CUX1: variants seen among roughly 807,000 people sequenced by gnomAD.
The protein encoded by CUX1 is protein CASP.
Under a neutral mutation model 158.8 loss-of-function variants are expected in CUX1, and 31 were observed. The ratio of observed to expected loss-of-function variants is 0.20; its 90% CI spans 0.15 to 0.26. The LOEUF (loss-of-function observed/expected upper bound fraction) is 0.26. Ranked by LOEUF, CUX1 falls within the 10% of genes least tolerant of loss-of-function variation. The pLI is 1.00. For synonymous variants in CUX1, 879 were observed against 862.1 expected, an observed-to-expected ratio of 1.02 and a Z score of -0.34; for missense variants, 1,589 against 2,014.6, an observed-to-expected ratio of 0.79 and a Z score of 4.04.
intron 14 of CUX1, among the ~76,000 whole-genome samples, chr7:102,263,812 C>A (rs180914249): frequency 6.6e-6 from 1 of 151,728 alleles, no homozygotes; most frequent in Non-Finnish European, 1.5e-5. Flanking sequence ...CCTGCCCCAG[C>A]CTTCCGAGTA....
chr7:102,068,083 T>TTTGTTG (rs564385716), intron 3 of CUX1, among the ~76,000 whole-genome samples: 1 of 151,612 alleles, frequency 6.6e-6, no homozygotes, highest in Admixed American at 6.6e-5. Context: ...AACCTTGTTT[T>TTTGTTG]TTGTTGTTGT....
chr7:101,933,311 G>A (rs985127913), intron 2 of CUX1, among the ~76,000 whole-genome samples: 13 of 151,852 alleles, frequency 8.6e-5, no homozygotes, highest in African/African-American at 2.9e-4. Flanking sequence ...CAGGGATTTG[G>A]AGGAGTTTAA....
chr7:102,277,883 C>A, intron 17 of CUX1: 1 of 980,340 alleles, frequency 1.0e-6, no homozygotes, highest in Non-Finnish European at 1.5e-6. Context: ...TCCAGGTAGA[C>A]GGAGCAGCAC....
At chr7:102,180,999 T>C (rs563963107) in intron 11 of CUX1, among the ~76,000 whole-genome samples, 9 of 151,980 alleles carry the variant, frequency 5.9e-5, no homozygotes, top group African/African-American at 1.9e-4. Context: ...TAGGGTGCGA[T>C]GGCGCCATCT....
intron 3 of CUX1, among the ~76,000 whole-genome samples, chr7:102,032,678 A>G (rs1336317772): frequency 6.6e-6 from 1 of 151,940 alleles, no homozygotes; most frequent in East Asian, 1.9e-4. Context: ...GTCTAAATAA[A>G]TAAATAAATA....
intron 2 of CUX1, among the ~76,000 whole-genome samples, chr7:102,012,607 C>G (rs557080075): frequency 6.6e-6 from 1 of 152,050 alleles, no homozygotes; most frequent in East Asian, 1.9e-4. Flanking sequence ...TCTGACTGGA[C>G]TCTTTGAAGG....
intron 1 of CUX1, among the ~76,000 whole-genome samples, chr7:101,864,570 A>G (rs768862606): frequency 6.6e-6 from 1 of 151,848 alleles, no homozygotes; most frequent in Non-Finnish European, 1.5e-5. Context: ...ATTTTTATTT[A>G]AAGGGAGTCT....
At chr7:102,013,711 T>C (rs1323154638) in intron 2 of CUX1, among the ~76,000 whole-genome samples, 1 of 152,178 alleles carries the variant, frequency 6.6e-6, no homozygotes, top group African/African-American at 2.4e-5. Context: ...TCATTTCATT[T>C]TGTTATTTTT....
intron 8 of CUX1, among the ~76,000 whole-genome samples, chr7:102,135,275 A>C (rs1193079687): frequency 2.0e-5 from 3 of 152,188 alleles, no homozygotes; most frequent in African/African-American, 7.2e-5. Flanking sequence ...TCTTCCAATA[A>C]AGTAAGGCAG....
In CUX1 at chr7:102,127,111, C is replaced by T. The variant is rs551703280; in HGVS notation, c.674+11838C>T. On this transcript the variant is annotated intron_variant, in intron 8 of 23. Transcript: ENST00000292535. ...TGTAAATACAGACGAAGCTTCCCTC[C>T]TGCAGCGCATCTCCTGCTGTGCGGC... Among the ~76,000 whole-genome samples the T allele has an allele frequency of 8.5e-5, 13 of 152,378 alleles. No homozygotes were observed. The South Asian group carries it at 2.1e-3, about 24-fold the overall frequency.
chr7:102,263,714 A>G (rs1554544468), intron 14 of CUX1, among the ~76,000 whole-genome samples: 1 of 151,400 alleles, frequency 6.6e-6, no homozygotes, highest in African/African-American at 2.4e-5. Context: ...TTTTTTTGAG[A>G]CAGGGTCTCA....
intron 20 of CUX1, among the ~76,000 whole-genome samples, chr7:102,221,547 G>A (rs566459127): frequency 6.6e-6 from 1 of 151,192 alleles, no homozygotes; most frequent in Non-Finnish European, 1.5e-5. Flanking sequence ...CGGCGGGTGC[G>A]GGTTTTCAAT....
At chr7:101,842,501 C>T (rs1795277087) in intron 1 of CUX1, among the ~76,000 whole-genome samples, 1 of 152,178 alleles carries the variant, frequency 6.6e-6, no homozygotes, top group Non-Finnish European at 1.5e-5. Flanking sequence ...AATTCTTGTG[C>T]CTCAGCCTCC....
In CUX1 at chr7:102,208,145, G is replaced by A. The variant is rs139288123; in HGVS notation, c.3130+2975G>A. Among the ~76,000 whole-genome samples, 1,274 of 152,110 alleles carry A rather than the reference G, an allele frequency of 8.4e-3. 11 individuals are homozygous for A. Among genetic ancestry groups the A allele is most frequent in the African/African-American group, 0.029 (1,211 of 41,472 alleles). Reference sequence around the variant, plus strand: ...CGAGGCTGCAGTAAGCCAAGATCACGCCACTGCACTCCAAGCTGGGTGACA... The same window carrying A: ...CGAGGCTGCAGTAAGCCAAGATCACACCACTGCACTCCAAGCTGGGTGACA... On this transcript the variant is annotated intron_variant, in intron 20 of 23. Coordinates refer to ENST00000292535, the MANE Select transcript of CUX1 (RefSeq NM_181552.4).
chr7:101,900,354 C>T (rs928815885), intron 1 of CUX1, among the ~76,000 whole-genome samples: 7 of 152,316 alleles, frequency 4.6e-5, no homozygotes, highest in Non-Finnish European at 2.9e-5. Flanking sequence ...GAATCACTTG[C>T]GACGCCCGCT....
chr7:102,132,292 A>AGTGTGTGTGT (rs782562542), intron 8 of CUX1, among the ~76,000 whole-genome samples: 4 of 103,348 alleles, frequency 3.9e-5, no homozygotes, highest in African/African-American at 1.7e-4. Flanking sequence ...TGAGAGAGAG[A>AGTGTGTGTGT]GTGTGTGTGT....
At chr7:101,878,803 G>A (rs575871112) in intron 1 of CUX1, among the ~76,000 whole-genome samples, 11 of 151,962 alleles carry the variant, frequency 7.2e-5, no homozygotes, top group Non-Finnish European at 1.5e-4. Context: ...CTCCTGAGTA[G>A]CTGGGATTAC....
At chr7:102,218,736 G>A (rs1554525790) in intron 20 of CUX1, among the ~76,000 whole-genome samples, 1 of 151,844 alleles carries the variant, frequency 6.6e-6, no homozygotes, top group Non-Finnish European at 1.5e-5. Context: ...GTCATTATAA[G>A]AGTTTCTCGG....
intron 2 of CUX1, among the ~76,000 whole-genome samples, chr7:101,928,771 T>C (rs113951841): frequency 0.48 from 70,688 of 147,700 alleles, 18,446 homozygotes; most frequent in African/African-American, 0.71. Context: ...CCCGGGTTCA[T>C]GCCATTCTCC....
Sources: allele counts gnomAD v4.1 joint callset (sites outside exome capture counted in the v4.1 genomes callset), GRCh38; gene constraint gnomAD v4.1.1; transcripts MANE v1.5; gene names NCBI Gene and HGNC (gene_info 2026-07-23, HGNC 2026-07-21).